LRIG1: variants seen among roughly 807,000 people sequenced by gnomAD.
LRIG1 encodes leucine rich repeats and immunoglobulin like domains 1.
Under a neutral mutation model 99.2 loss-of-function variants are expected in LRIG1, and 48 were observed. The ratio of observed to expected loss-of-function variants is 0.48; its 90% CI spans 0.38 to 0.62. The LOEUF is 0.62. LRIG1 is among the 20% of genes least tolerant of loss of function. The probability of loss-of-function intolerance (pLI) is 0.00; values close to 1 mark genes in which losing one functional copy is unlikely to be tolerated. For missense variants in LRIG1, 1,646 were observed against 1,434.4 expected, an observed-to-expected ratio of 1.15 and a Z score of -2.38; for synonymous variants, 772 against 596.1, an observed-to-expected ratio of 1.29 and a Z score of -4.30.
At chr3:66,412,244 T>C (rs961104997) in intron 6 of LRIG1, among the ~76,000 whole-genome samples, 1 of 152,126 alleles carries the variant, frequency 6.6e-6, no homozygotes, top group African/African-American at 2.4e-5. Context: ...CTCTACATTT[T>C]TGGCCCACCT....
At chr3:66,488,818 C>T (rs1701034783) in intron 1 of LRIG1, among the ~76,000 whole-genome samples, 1 of 152,190 alleles carries the variant, frequency 6.6e-6, no homozygotes, top group South Asian at 2.1e-4. Flanking sequence ...GGTGGCCCAT[C>T]CAGTCCTTAA....
chr3:66,468,467 G>A (rs1575715100), intron 1 of LRIG1, among the ~76,000 whole-genome samples: 1 of 152,272 alleles, frequency 6.6e-6, no homozygotes, highest in South Asian at 2.1e-4. Flanking sequence ...TTGGTTTCCA[G>A]GCTAGCCTAT....
chr3:66,388,992 C>T (rs764902610), intron 12 of LRIG1, among the ~76,000 whole-genome samples: 11 of 152,052 alleles, frequency 7.2e-5, no homozygotes, highest in South Asian at 6.2e-4. Context: ...TTGTAACTCG[C>T]GTCTCCTGAT....
chr3:66,419,490 G>A (rs758716279), intron 3 of LRIG1, among the ~76,000 whole-genome samples: 6 of 152,196 alleles, frequency 3.9e-5, no homozygotes, highest in Non-Finnish European at 5.9e-5. Flanking sequence ...CAGGGTCTGT[G>A]AGAGGAGCAA....
At chr3:66,399,755 G>A (rs374567950) in intron 9 of LRIG1, among the ~76,000 whole-genome samples, 11 of 152,130 alleles carry the variant, frequency 7.2e-5, no homozygotes, top group Non-Finnish European at 1.2e-4. Context: ...GCAACATAGC[G>A]GGATGTTGTC....
At chr3:66,470,811 T>C (rs1700579221) in intron 1 of LRIG1, among the ~76,000 whole-genome samples, 1 of 152,256 alleles carries the variant, frequency 6.6e-6, no homozygotes, top group East Asian at 1.9e-4. Flanking sequence ...TGGGAGATTC[T>C]AGGATCTTTC....
At chr3:66,440,845 GC>G (rs1703514194) in intron 3 of LRIG1, among the ~76,000 whole-genome samples, 1 of 152,166 alleles carries the variant, frequency 6.6e-6, no homozygotes, top group African/African-American at 2.4e-5. Flanking sequence ...GAGAGAACCT[GC>G]CCAGGTGACA....
chr3:66,449,560 G>C (rs1460676843), intron 3 of LRIG1, among the ~76,000 whole-genome samples: 1 of 152,222 alleles, frequency 6.6e-6, no homozygotes, highest in Non-Finnish European at 1.5e-5. Context: ...TTAGTCAGCA[G>C]AGCAAGGTGC....
intron 3 of LRIG1, among the ~76,000 whole-genome samples, chr3:66,421,190 C>T (rs1169227670): frequency 1.3e-5 from 2 of 152,118 alleles, no homozygotes; most frequent in East Asian, 1.9e-4. Flanking sequence ...TATCATTCTG[C>T]CCCTGGCCCC....
At chr3:66,439,254 C>T (rs950836400) in intron 3 of LRIG1, among the ~76,000 whole-genome samples, 5 of 152,244 alleles carry the variant, frequency 3.3e-5, no homozygotes, top group African/African-American at 1.2e-4. Flanking sequence ...GCTCTCATTC[C>T]GATTGAGAAG....
intron 12 of LRIG1, among the ~76,000 whole-genome samples, chr3:66,392,818 G>C (rs1047511717): frequency 6.6e-6 from 1 of 152,112 alleles, no homozygotes; most frequent in Non-Finnish European, 1.5e-5. Context: ...ACAATTTAAG[G>C]GTCAAGGACT....
Position 66,500,287 on chromosome 3 carries a change from A to G in LRIG1, c.121T>C (p.Cys41Arg), listed in dbSNP as rs774582147. 1 of 1,478,932 alleles carries G rather than the reference A, an allele frequency of 6.8e-7. No individual in the cohort carries two copies. Among genetic ancestry groups the G allele is most frequent in the South Asian group, 1.3e-5 (1 of 77,852 alleles). 91.6% of individuals were successfully genotyped at this position (1,478,932 alleles called of 1,614,324 possible). ...CCAGCGCAAGTGCAGGCGGCCGCGCAGGGCGCCCGCGGGCCGGCCGCGGCG... is the reference window on the plus strand; with the variant it reads ...CCAGCGCAAGTGCAGGCGGCCGCGCGGGGCGCCCGCGGGCCGGCCGCGGCG... ...VTAAAGPRAP[C>R]AAACTCAGDS... Residue 41 changes from cysteine to arginine, a missense_variant, in exon 1 of 19, where the codon TGC (cysteine) becomes CGC (arginine). Physicochemically the swap from Cys to Arg is radical, Grantham distance 180. Transcript: ENST00000273261.
chr3:66,458,048 C>A (rs1700269963), intron 2 of LRIG1, among the ~76,000 whole-genome samples: 1 of 152,242 alleles, frequency 6.6e-6, no homozygotes, highest in African/African-American at 2.4e-5. Flanking sequence ...CTTTACCAAC[C>A]ATGTGACACT....
intron 1 of LRIG1, among the ~76,000 whole-genome samples, chr3:66,467,941 G>A (rs528371710): frequency 4.6e-5 from 7 of 152,154 alleles, no homozygotes; most frequent in Non-Finnish European, 1.0e-4. Context: ...GATGGACACT[G>A]ATATTAACAC....
At chr3:66,385,907 T>G in intron 13 of LRIG1, 74 bp downstream of exon 13, 1 of 1,339,150 alleles carries the variant, frequency 7.5e-7, no homozygotes, top group South Asian at 1.3e-5. Context: ...CATCTCTACA[T>G]GGAAAGCTGA....
At chr3:66,454,634 C>T (rs1700169494) in intron 2 of LRIG1, among the ~76,000 whole-genome samples, 1 of 152,096 alleles carries the variant, frequency 6.6e-6, no homozygotes, top group South Asian at 2.1e-4. Flanking sequence ...TTAAGAAGTG[C>T]CTCAGATGCA....
intron 3 of LRIG1, among the ~76,000 whole-genome samples, chr3:66,436,765 A>G (rs1703374330): frequency 1.3e-5 from 2 of 152,140 alleles, no homozygotes; most frequent in South Asian, 4.2e-4. Context: ...TGCCAGGGGA[A>G]CGTGAGGAGT....
intron 1 of LRIG1, among the ~76,000 whole-genome samples, chr3:66,496,128 A>G (rs564890994): frequency 1.3e-5 from 2 of 152,348 alleles, no homozygotes; most frequent in African/African-American, 4.8e-5. Flanking sequence ...TGCTGATAAT[A>G]TGTTCAAAAG....
intron 9 of LRIG1, among the ~76,000 whole-genome samples, chr3:66,400,826 G>T (rs1437389459): frequency 2.6e-5 from 4 of 152,298 alleles, no homozygotes; most frequent in South Asian, 2.1e-4. Flanking sequence ...CTTCCTGACT[G>T]CAACAGGCCT....
Sources: allele counts gnomAD v4.1 joint callset (sites outside exome capture counted in the v4.1 genomes callset), GRCh38; gene constraint gnomAD v4.1.1; transcripts MANE v1.5; gene names NCBI Gene and HGNC (gene_info 2026-07-23, HGNC 2026-07-21).